ACACA: variants seen among roughly 807,000 people sequenced by gnomAD.
ACACA encodes the protein acetyl-CoA carboxylase alpha, also known as acetyl-CoA carboxylase 1.
A neutral mutation model predicts 296.1 loss-of-function variants in ACACA; 103 were observed. The ratio of observed to expected loss-of-function variants is 0.35; its 90% CI spans 0.30 to 0.41. The LOEUF is 0.41. ACACA is among the 10% of genes least tolerant of loss of function. The pLI, the probability that ACACA is intolerant of heterozygous loss-of-function variation, is 1.00. For synonymous variants in ACACA, 953 were observed against 1,038.6 expected (o/e 0.92, Z 1.58); for missense variants, 1,554 against 2,989.7 (o/e 0.52, Z 11.20).
At chr17:37,366,471 CT>C (rs35706744) in intron 1 of ACACA, among the ~76,000 whole-genome samples, 115 of 138,992 alleles carry the variant, frequency 8.3e-4, no homozygotes, top group African/African-American at 7.6e-4. Context: ...AATGTCATGT[CT>C]TTTTTTTTTT....
chr17:37,347,269 G>A (rs1044430977), intron 1 of ACACA, among the ~76,000 whole-genome samples: 4 of 152,078 alleles, frequency 2.6e-5, no homozygotes, highest in African/African-American at 9.7e-5. Context: ...CTTGCCTTCC[G>A]CCATGATTGT....
chr17:37,251,980 G>A (rs773280714), intron 16 of ACACA, 25 bp downstream of exon 16: 2 of 1,597,338 alleles, frequency 1.3e-6, no homozygotes, highest in Non-Finnish European at 1.7e-6. Flanking sequence ...ATTAGTTTGT[G>A]TAGCCTACAA....
intron 41 of ACACA, among the ~76,000 whole-genome samples, chr17:37,164,424 A>G (rs73287960): frequency 9.1e-4 from 138 of 152,282 alleles, no homozygotes; most frequent in African/African-American, 3.3e-3. Flanking sequence ...ATATATATGA[A>G]ACACCCTCAG....
chr17:37,118,865 T>C (rs1402993473), intron 50 of ACACA, among the ~76,000 whole-genome samples: 3 of 152,194 alleles, frequency 2.0e-5, no homozygotes, highest in Admixed American at 2.0e-4. Flanking sequence ...TCTTAATTGT[T>C]GTTGTTCTTA....
Position 37,388,588 on chromosome 17 carries a change from G to A in ACACA, c.38+17674C>T. On this transcript the variant is annotated intron_variant, in intron 1 of 55. Transcript: ENST00000616317. Reference sequence around the variant, plus strand: ...GGGCCTCTAATAGTCTTGTGAGCCAGAAGAACTTCAGGTCAAAGGATCAAT... The same window carrying A: ...GGGCCTCTAATAGTCTTGTGAGCCAAAAGAACTTCAGGTCAAAGGATCAAT... The A allele has an allele frequency of 6.8e-6, 10 of 1,481,110 alleles. No individual in the cohort carries two copies. In the South Asian group the frequency reaches 7.3e-5, roughly 11 times the overall value. 91.7% of individuals were successfully genotyped at this position (1,481,110 alleles called of 1,614,324 possible). A position where few individuals can be genotyped will look rare whatever the true frequency, so the allele number is the denominator to read the frequency against.
chr17:37,146,649 T>C (rs930963110), intron 45 of ACACA, among the ~76,000 whole-genome samples: 9 of 81,084 alleles, frequency 1.1e-4, no homozygotes, highest in Non-Finnish European at 1.1e-4. Flanking sequence ...TGACCTGAGA[T>C]GTGTAAGAGG....
chr17:37,395,260 CT>C (rs1291247994), intron 1 of ACACA, among the ~76,000 whole-genome samples: 8 of 151,744 alleles, frequency 5.3e-5, no homozygotes, highest in Non-Finnish European at 1.2e-4. Flanking sequence ...GAAACACCAT[CT>C]TTACTAAAAA....
At chr17:37,119,394 T>G (rs2074409337) in intron 50 of ACACA, among the ~76,000 whole-genome samples, 1 of 152,162 alleles carries the variant, frequency 6.6e-6, no homozygotes, top group Admixed American at 6.5e-5. Flanking sequence ...TGTGTAGGAT[T>G]GACTTAACCG....
chr17:37,253,419 G>C (rs543944810), intron 14 of ACACA, among the ~76,000 whole-genome samples: 1 of 152,100 alleles, frequency 6.6e-6, no homozygotes, highest in East Asian at 1.9e-4. Flanking sequence ...AAAAATAAAA[G>C]AAAGAACTGT....
chr17:37,282,614 C>T (rs185970638), intron 5 of ACACA, among the ~76,000 whole-genome samples: 3 of 152,020 alleles, frequency 2.0e-5, no homozygotes, highest in Non-Finnish European at 4.4e-5. Context: ...TTCGCAGCTT[C>T]CTAGGAGTAA....
intron 43 of ACACA, among the ~76,000 whole-genome samples, chr17:37,151,671 C>CA (rs1555565238): frequency 2.7e-5 from 4 of 150,726 alleles, no homozygotes; most frequent in African/African-American, 7.3e-5. Context: ...AGCCTTTTTT[C>CA]TTTTTTTTTG....
At chr17:37,137,891 G>C (rs971804730) in intron 45 of ACACA, among the ~76,000 whole-genome samples, 11 of 152,216 alleles carry the variant, frequency 7.2e-5, no homozygotes, top group Non-Finnish European at 1.6e-4. Context: ...AGAAAATGAA[G>C]TTACTCAAAA....
intron 4 of ACACA, among the ~76,000 whole-genome samples, chr17:37,283,894 G>A (rs1207497194): frequency 6.6e-6 from 1 of 152,164 alleles, no homozygotes; most frequent in Non-Finnish European, 1.5e-5. Context: ...GAATTGTAGA[G>A]AATGCCTCAG....
chr17:37,378,543 T>A (rs909231485), intron 1 of ACACA, among the ~76,000 whole-genome samples: 1 of 151,994 alleles, frequency 6.6e-6, no homozygotes, highest in Admixed American at 6.6e-5. Flanking sequence ...TGAAACCCCA[T>A]CTCTACTAAA....
In ACACA at chr17:37,087,268, C is replaced by A. The variant is rs1488372925; in HGVS notation, c.*48G>T. 1.2e-6 allele frequency: 2 copies of A among 1,613,222 alleles called. No individual in the cohort carries two copies. The highest frequency in any genetic ancestry group is 1.1e-5 in the South Asian group (1 of 91,042). Reference sequence around the variant, plus strand: ...GTGGTTACAGTTGTAAAAGGCAGCTCTAGCCCTTTTCTCCAGAGACAGGGC... The same window carrying A: ...GTGGTTACAGTTGTAAAAGGCAGCTATAGCCCTTTTCTCCAGAGACAGGGC... On this transcript the variant is annotated 3_prime_UTR_variant, in exon 56 of 56. Coordinates refer to ENST00000616317, the MANE Select transcript of ACACA (RefSeq NM_198834.3).
At chr17:37,316,328 CA>C (rs1567985074) in intron 3 of ACACA, among the ~76,000 whole-genome samples, 3 of 151,974 alleles carry the variant, frequency 2.0e-5, no homozygotes, top group African/African-American at 7.2e-5. Flanking sequence ...CACACACACA[CA>C]CACACCCCTA....
chr17:37,205,014 G>GT (rs2078432751), intron 33 of ACACA, among the ~76,000 whole-genome samples: 1 of 152,188 alleles, frequency 6.6e-6, no homozygotes, highest in Admixed American at 6.5e-5. Flanking sequence ...GTATAAGATA[G>GT]TAAGGGTTTG....
At chr17:37,406,148 T>C in intron 1 of ACACA, 114 bp downstream of exon 1, 1 of 1,224,070 alleles carries the variant, frequency 8.2e-7, no homozygotes, top group Admixed American at 1.7e-5. Context: ...AAGTTTTAAA[T>C]GAGACCGTAT....
intron 26 of ACACA, chr17:37,225,520 TAGAA>T (rs144030531): frequency 1.1e-3 from 203 of 191,350 alleles, no homozygotes; most frequent in African/African-American, 3.4e-3. Context: ...AACTCTGAAG[TAGAA>T]AGAAAGACTA....
Sources: gnomAD v4.1 joint callset for allele counts (sites outside exome capture counted in the v4.1 genomes callset) on GRCh38, gnomAD v4.1.1 for gene constraint, MANE v1.5 for transcripts, NCBI Gene and HGNC (gene_info 2026-07-23, HGNC 2026-07-21) for gene names.